ACBD5: variants seen among roughly 807,000 people sequenced by gnomAD.
ACBD5 encodes acyl-CoA-binding domain-containing protein 5.
In ACBD5, 40 loss-of-function variants were observed where a neutral mutation model predicts 71.8. The observed-to-expected ratio is 0.56, with a 90% CI of 0.43 to 0.72. The LOEUF is 0.72. Among genes scored for constraint, ACBD5 ranks in the 30% least tolerant of loss-of-function variants. The pLI, the probability that ACBD5 is intolerant of heterozygous loss-of-function variation, is 0.00. For synonymous variants in ACBD5, 229 were observed against 218.6 expected, an observed-to-expected ratio of 1.05 and a Z score of -0.42; for missense variants, 559 against 644.5, an observed-to-expected ratio of 0.87 and a Z score of 1.44.
Position 27,217,579 on chromosome 10 carries a change from C to T in ACBD5, c.829+401G>A, listed in dbSNP as rs972497298. On this transcript the variant is annotated intron_variant, in intron 7 of 12. Transcript: ENST00000396271. ...CCTGTAATCCTAGCACTTTGGGAGG[C>T]CAAGGCAGGCAGATCACTTGAACCC... 9.2e-5 allele frequency among the ~76,000 whole-genome samples: 14 copies of T among 152,244 alleles called. No individual in the cohort carries two copies. The East Asian group carries it at 2.7e-3, about 29-fold the overall frequency.
At position 27,210,869 on chromosome 10, in the gene ACBD5, G is replaced by C. The variant is rs929290905; in HGVS notation, c.1149C>G (p.His383Gln). The C allele has an allele frequency of 6.2e-6, 10 of 1,614,040 alleles. No individual in the cohort carries two copies. The highest frequency in any genetic ancestry group is 8.5e-6 in the Non-Finnish European group (10 of 1,180,028). The change falls in exon 9 of 13, where the codon CAC (histidine) becomes CAG (glutamine). Residue 383 changes from histidine to glutamine, a missense_variant. His to Gln is a conservative substitution (Grantham distance 24). Transcript: ENST00000396271. ...CAGTTTCTCCGCCTCGCTTCTCCCGGTGTGGTGCTCCGCTGTTATTCCTGC... is the reference window on the plus strand; with the variant it reads ...CAGTTTCTCCGCCTCGCTTCTCCCGCTGTGGTGCTCCGCTGTTATTCCTGC... The part of the protein sequence containing the change: ...EDGRNNSGAP[H>Q]REKRGGETDE...
At chr10:27,186,551 T>C (rs1452361666) in intron 13 of ACBD5, 10 of 1,611,102 alleles carry the variant, frequency 6.2e-6, no homozygotes, top group Non-Finnish European at 8.5e-6. Flanking sequence ...AAAATTTTCC[T>C]TTTAGTCTAG....
chr10:27,218,224 T>A, intron 6 of ACBD5, 41 bp from the exon 7 acceptor site: 1 of 1,470,740 alleles, frequency 6.8e-7, no homozygotes, highest in Non-Finnish European at 9.5e-7. Flanking sequence ...AAGTTCACAG[T>A]AGGTCACCTT....
At chr10:27,191,879 ACT>A (rs2059095119), downstream of ACBD5, among the ~76,000 whole-genome samples, 1 of 148,322 alleles carries the variant, frequency 6.7e-6, no homozygotes, top group African/African-American at 2.6e-5. Context: ...CGAGAGGGAA[ACT>A]CTGAATCAAA....
At chr10:27,198,885 C>A (rs1403649047) in intron 12 of ACBD5, among the ~76,000 whole-genome samples, 1 of 152,024 alleles carries the variant, frequency 6.6e-6, no homozygotes, top group Admixed American at 6.6e-5. Flanking sequence ...CCGAGGCGGG[C>A]GGATCACGAG....
Position 27,208,352 on chromosome 10 carries a change from C to T in ACBD5, c.1298G>A (p.Arg433Gln), listed in dbSNP as rs768000744. 3.7e-6 allele frequency: 6 copies of T among 1,614,176 alleles called. No individual in the cohort carries two copies. The highest frequency in any genetic ancestry group is 1.7e-5 in the Admixed American group (1 of 60,018). Residue 433 changes from arginine to glutamine, a missense_variant, in exon 10 of 13, where the codon CGA becomes CAA. Transcript: ENST00000396271. ...GERWGSDRGS[R>Q]GSLNEQIALV... ...GGCGATCTGCTCATTGAGGCTGCCT[C>T]GGGACCCTCTGTCGGAGCCCCAGCG...
In ACBD5 at chr10:27,197,936, G is replaced by A. The variant is rs201878427; in HGVS notation, c.1566-494C>T. On this transcript the variant is annotated intron_variant, in intron 12 of 12. Transcript: ENST00000396271. ...GTTAGCTATGGCGCCCAGCCATCCT[G>A]GCCAGTTTTTAATAAATAATTTAAA... is the stretch of plus-strand genomic sequence containing the variant. Among the ~76,000 whole-genome samples the A allele has an allele frequency of 1.9e-4, 29 of 152,190 alleles. No homozygotes were observed. The South Asian group carries it at 4.4e-3, about 23-fold the overall frequency.
intron 2 of ACBD5, among the ~76,000 whole-genome samples, chr10:27,236,884 CAAA>C (rs5783998): frequency 1.3e-4 from 11 of 87,124 alleles, no homozygotes; most frequent in Non-Finnish European, 1.8e-4. Context: ...GACTTGGTCT[CAAA>C]AAAAAAAAAA....
At chr10:27,215,331 T>C in intron 8 of ACBD5, among the ~76,000 whole-genome samples, 1 of 132,386 alleles carries the variant, frequency 7.6e-6, no homozygotes, top group Middle Eastern at 3.6e-3. Flanking sequence ...GAGTAGTTAA[T>C]ATTATTAATT....
At chr10:27,220,170 T>C (rs902491964) in intron 5 of ACBD5, among the ~76,000 whole-genome samples, 1 of 152,188 alleles carries the variant, frequency 6.6e-6, no homozygotes, top group Non-Finnish European at 1.5e-5. Context: ...AGTGAAGAGA[T>C]ACTTCCTATA....
Position 27,238,433 on chromosome 10 carries a change from C to T in ACBD5, c.181+1886G>A, listed in dbSNP as rs562391079. ...ACCAATTTTCAAAAAACTATAAAAACGTGTGCTTTAGAAGAAAGTATAAAC... is the reference window on the plus strand; with the variant it reads ...ACCAATTTTCAAAAAACTATAAAAATGTGTGCTTTAGAAGAAAGTATAAAC... On this transcript the variant is annotated intron_variant, in intron 2 of 12. Coordinates refer to ENST00000396271, the MANE Select transcript of ACBD5 (RefSeq NM_145698.5). Among the ~76,000 whole-genome samples, 5 of 152,308 alleles carry T rather than the reference C, an allele frequency of 3.3e-5. No individual in the cohort carries two copies. The South Asian group carries it at 1.0e-3, about 32-fold the overall frequency.
intron 13 of ACBD5, among the ~76,000 whole-genome samples, chr10:27,187,784 G>A (rs2058857959): frequency 6.6e-6 from 1 of 151,942 alleles, no homozygotes; most frequent in Non-Finnish European, 1.5e-5. Flanking sequence ...GAACAATTAG[G>A]TGTGATATAA....
chr10:27,215,280 C>G (rs1283316760), intron 8 of ACBD5, among the ~76,000 whole-genome samples: 1 of 151,988 alleles, frequency 6.6e-6, no homozygotes, highest in African/African-American at 2.4e-5. Context: ...CCCACGTCTC[C>G]TAGAATATTT....
At chr10:27,229,065 G>A (rs925397135) in intron 4 of ACBD5, among the ~76,000 whole-genome samples, 6 of 149,046 alleles carry the variant, frequency 4.0e-5, no homozygotes, top group Admixed American at 2.7e-4. Context: ...CAGGTGATCC[G>A]CCCGCCTCGG....
In ACBD5 at chr10:27,197,158, G is replaced by T; in HGVS notation, c.*272C>A. ...ACCAAATGATCATTAATAATTTAAT[G>T]TCCTTCAAGTTCAAGGGCAGGGTAA... On this transcript the variant is annotated 3_prime_UTR_variant, in exon 13 of 13. Transcript: ENST00000396271. 1.8e-6 allele frequency: 1 copy of T among 547,762 alleles called. No individual in the cohort carries two copies. Among genetic ancestry groups the T allele is most frequent in the Non-Finnish European group, 3.3e-6 (1 of 299,974 alleles). The allele number at this position is 547,762 out of a possible 1,614,324, so 33.9% of individuals were successfully genotyped here.
intron 13 of ACBD5, among the ~76,000 whole-genome samples, chr10:27,187,161 A>G (rs1423742206): frequency 6.6e-6 from 1 of 152,038 alleles, no homozygotes; most frequent in Non-Finnish European, 1.5e-5. Context: ...TTAGCCGGGC[A>G]TGTTGGTGGG....
At position 27,208,368 on chromosome 10, in the gene ACBD5, A is replaced by G; in HGVS notation, c.1282T>C (p.Ser428Pro). ...GSGGDGERWGSDRGSRGSLNE... is the reference protein window; with the variant it reads ...GSGGDGERWGPDRGSRGSLNE... ...AGGCTGCCTCGGGACCCTCTGTCGG[A>G]GCCCCAGCGCTCCCCATCACCTCCA... The change falls in exon 10 of 13, where the codon TCC becomes CCC. Residue 428 changes from serine (S) to proline (P), a missense_variant. Transcript: ENST00000396271. 6.2e-7 allele frequency: 1 copy of G among 1,614,140 alleles called. No homozygotes were observed. The highest frequency in any genetic ancestry group is 8.5e-7 in the Non-Finnish European group (1 of 1,180,004).
intron 8 of ACBD5, among the ~76,000 whole-genome samples, chr10:27,213,265 C>T (rs945387441): frequency 6.6e-6 from 1 of 152,208 alleles, no homozygotes; most frequent in African/African-American, 2.4e-5. Context: ...AGGTGCTCAA[C>T]ATCACTGATC....
chr10:27,214,203 T>C (rs547123457), intron 8 of ACBD5, among the ~76,000 whole-genome samples: 4 of 152,152 alleles, frequency 2.6e-5, no homozygotes, highest in Non-Finnish European at 5.9e-5. Flanking sequence ...GGCAATACTT[T>C]GTTGTACATT....
Sources: allele counts gnomAD v4.1 joint callset (sites outside exome capture counted in the v4.1 genomes callset), GRCh38; gene constraint gnomAD v4.1.1; transcripts MANE v1.5; gene names NCBI Gene and HGNC (gene_info 2026-07-23, HGNC 2026-07-21).